Variants in DHRSX observed in about 807,000 individuals in gnomAD.
DHRSX encodes the protein dehydrogenase/reductase X-linked, also known as polyprenol dehydrogenase.
A neutral mutation model predicts 34.0 loss-of-function variants in DHRSX; 31 were observed. That is an observed-to-expected ratio of 0.91 (90% CI 0.69 to 1.23). The LOEUF is 1.23. Ranked by LOEUF, DHRSX falls within the 50% of genes most tolerant of loss-of-function variation. The probability of loss-of-function intolerance (pLI) is 0.00; values close to 1 mark genes in which losing one functional copy is unlikely to be tolerated. For synonymous variants in DHRSX, 201 were observed against 183.8 expected, an observed-to-expected ratio of 1.09 and a Z score of -0.76; for missense variants, 414 against 428.1, an observed-to-expected ratio of 0.97 and a Z score of 0.29.
intron 1 of DHRSX, among the ~76,000 whole-genome samples, chrX:2,439,973 TA>T (rs1340327695): frequency 2.6e-5 from 4 of 152,138 alleles, no homozygotes; most frequent in African/African-American, 9.7e-5. Flanking sequence ...TAAAATTCAT[TA>T]AAATGGGTCC....
chrX:2,399,725 C>CAAAAAAAA (rs779558142), intron 3 of DHRSX, among the ~76,000 whole-genome samples: 25 of 35,204 alleles, frequency 7.1e-4, no homozygotes, highest in African/African-American at 1.1e-3. Flanking sequence ...AAACAAAAAG[C>CAAAAAAAA]AAAAAAAAAA....
intron 1 of DHRSX, among the ~76,000 whole-genome samples, chrX:2,474,994 GA>G (rs2044655119): frequency 6.6e-6 from 1 of 151,576 alleles, no homozygotes; most frequent in Admixed American, 6.6e-5. Context: ...GGAATGCACT[GA>G]AGATGTTCCC....
At position 2,458,978 on chromosome X, in the gene DHRSX, A is replaced by G. The variant is rs2044354628; in HGVS notation, c.110-33674T>C. Among the ~76,000 whole-genome samples the G allele has an allele frequency of 4.6e-5, 7 of 152,110 alleles. No homozygotes were observed. The South Asian group carries it at 1.5e-3, about 32-fold the overall frequency. On this transcript the variant is annotated intron_variant, in intron 1 of 6. Transcript: ENST00000334651. ...AACATAGCAAGACCCCATCTCTACA[A>G]AACTTTAAAAATTAACCAGGTGTGG...
chrX:2,222,445 C>T (rs1328256636), intron 6 of DHRSX, among the ~76,000 whole-genome samples: 3 of 152,164 alleles, frequency 2.0e-5, no homozygotes, highest in Non-Finnish European at 4.4e-5. Context: ...CAGGGAATTG[C>T]TAGCATTTGT....
At chrX:2,412,771 C>T (rs1213079348) in intron 2 of DHRSX, among the ~76,000 whole-genome samples, 1 of 152,184 alleles carries the variant, frequency 6.6e-6, no homozygotes, top group South Asian at 2.1e-4. Context: ...CCAGAGGACC[C>T]TATCCTGTGA....
chrX:2,355,922 C>T (rs1386631268), intron 3 of DHRSX, among the ~76,000 whole-genome samples: 2 of 151,112 alleles, frequency 1.3e-5, no homozygotes, highest in East Asian at 3.9e-4. Context: ...AAAATGTAGC[C>T]AGGTGTGGTG....
intron 1 of DHRSX, among the ~76,000 whole-genome samples, chrX:2,437,303 G>A (rs1196547098): frequency 1.3e-5 from 2 of 151,750 alleles, no homozygotes; most frequent in Non-Finnish European, 2.9e-5. Context: ...CCGGACACAA[G>A]GTCATATTGA....
chrX:2,489,906 C>T, intron 1 of DHRSX: 1 of 1,613,878 alleles, frequency 6.2e-7, no homozygotes, highest in Non-Finnish European at 8.5e-7. Context: ...ATGTCCTTGC[C>T]ATAGTTGGTG....
intron 3 of DHRSX, among the ~76,000 whole-genome samples, chrX:2,318,532 G>A (rs2042268244): frequency 6.9e-6 from 1 of 145,612 alleles, no homozygotes; most frequent in South Asian, 2.1e-4. Context: ...CTTCCTCACT[G>A]TTCATTATAC....
At chrX:2,307,404 G>A (rs1016182888) in intron 3 of DHRSX, among the ~76,000 whole-genome samples, 2 of 151,950 alleles carry the variant, frequency 1.3e-5, no homozygotes, top group South Asian at 4.1e-4. Flanking sequence ...AGCGTGAACC[G>A]CAGCACTACA....
intron 1 of DHRSX, among the ~76,000 whole-genome samples, chrX:2,446,115 C>G (rs1379994113): frequency 6.6e-6 from 1 of 150,710 alleles, no homozygotes; most frequent in Non-Finnish European, 1.5e-5. Flanking sequence ...AGGGACCGCA[C>G]TGAAGACGTT....
chrX:2,228,832 C>G (rs145720243), intron 6 of DHRSX, among the ~76,000 whole-genome samples: 12 of 152,256 alleles, frequency 7.9e-5, no homozygotes, highest in Admixed American at 3.3e-4. Context: ...TCCCTCTGAA[C>G]TCCACACTTA....
intron 3 of DHRSX, among the ~76,000 whole-genome samples, chrX:2,372,809 A>G (rs1010775990): frequency 6.6e-6 from 1 of 151,812 alleles, no homozygotes; most frequent in African/African-American, 2.4e-5. Flanking sequence ...ACGGGGTTTC[A>G]TCATGTTGGC....
intron 3 of DHRSX, among the ~76,000 whole-genome samples, chrX:2,386,738 T>C (rs1043540911): frequency 6.6e-6 from 1 of 152,206 alleles, no homozygotes; most frequent in African/African-American, 2.4e-5. Flanking sequence ...GTTTAAATCA[T>C]ATTTTTATTA....
At chrX:2,436,892 C>T (rs1333055119) in intron 1 of DHRSX, among the ~76,000 whole-genome samples, 4 of 152,062 alleles carry the variant, frequency 2.6e-5, no homozygotes, top group Admixed American at 1.3e-4. Flanking sequence ...CTTGGCCTCC[C>T]GACGTGTTGC....
At chrX:2,269,965 G>A (rs2041527571) in intron 4 of DHRSX, among the ~76,000 whole-genome samples, 3 of 152,074 alleles carry the variant, frequency 2.0e-5, no homozygotes, top group Non-Finnish European at 4.4e-5. Context: ...TTGTACACGT[G>A]CTTGTGTTTG....
At chrX:2,313,407 C>T (rs760874032) in intron 3 of DHRSX, among the ~76,000 whole-genome samples, 4 of 146,820 alleles carry the variant, frequency 2.7e-5, no homozygotes, top group South Asian at 2.2e-4. Flanking sequence ...CTCGCTCTGT[C>T]GCCCAGGCTG....
At chrX:2,383,395 A>G (rs1290345583) in intron 3 of DHRSX, among the ~76,000 whole-genome samples, 1 of 151,740 alleles carries the variant, frequency 6.6e-6, no homozygotes, top group African/African-American at 2.4e-5. Flanking sequence ...CATCGTCATG[A>G]TCATCACCAT....
intron 1 of DHRSX, among the ~76,000 whole-genome samples, chrX:2,439,265 C>T (rs949089744): frequency 4.0e-5 from 6 of 151,382 alleles, no homozygotes; most frequent in African/African-American, 1.2e-4. Context: ...GACTGATCTA[C>T]GAGAATTGGA....
Sources: gnomAD v4.1 joint callset for allele counts (sites outside exome capture counted in the v4.1 genomes callset) on GRCh38, gnomAD v4.1.1 for gene constraint, MANE v1.5 for transcripts, NCBI Gene and HGNC (gene_info 2026-07-23, HGNC 2026-07-21) for gene names.